CCDC88B: variants seen among roughly 807,000 people sequenced by gnomAD.
CCDC88B encodes coiled-coil and HOOK domain protein 88B.
In CCDC88B, 138 loss-of-function variants were observed where a neutral mutation model predicts 183.7. That is an observed-to-expected ratio of 0.75 (90% CI 0.65 to 0.87). The LOEUF (loss-of-function observed/expected upper bound fraction) is 0.87, where lower values mean the gene tolerates loss of function less well. Ranked by LOEUF, CCDC88B falls within the 40% of genes least tolerant of loss-of-function variation. The pLI is 0.00. For missense variants in CCDC88B, 1,822 were observed against 1,965.6 expected (o/e 0.93, Z 1.38); for synonymous variants, 835 against 867.5 (o/e 0.96, Z 0.66).
Position 64,342,060 on chromosome 11 carries a change from C to A in CCDC88B, c.742C>A (p.Pro248Thr), listed in dbSNP as rs1290302834. 2 of 1,611,774 alleles carry A rather than the reference C, an allele frequency of 1.2e-6. No individual in the cohort carries two copies. Among genetic ancestry groups the A allele is most frequent in the African/African-American group, 1.3e-5 (1 of 74,836 alleles). ...CLRPEAPSRAPAEGPSHHLAL... is the reference protein window; with the variant it reads ...CLRPEAPSRATAEGPSHHLAL... ...GAGGCCTGAGGCTCCCTCTAGGGCT[C>A]CCGCCGAGGGCCCCTCGCACCATCT... Residue 248 changes from proline to threonine, a missense_variant, in exon 8 of 27, where the codon CCC becomes ACC. Physicochemically the swap from Pro to Thr is conservative, Grantham distance 38 (BLOSUM62 -1). Transcript: ENST00000356786.
Position 64,343,598 on chromosome 11 carries a change from C to T in CCDC88B, c.1301C>T (p.Pro434Leu), listed in dbSNP as rs1331452521. The T allele has an allele frequency of 6.4e-7, 1 of 1,551,608 alleles. No individual in the cohort carries two copies. Among genetic ancestry groups the T allele is most frequent in the South Asian group, 1.2e-5 (1 of 84,068 alleles). Residue 434 changes from proline to leucine, a missense_variant, in exon 12 of 27, where the codon CCA (proline) becomes CTA (leucine). Physicochemically the swap from Pro to Leu is moderately conservative, Grantham distance 98. Transcript: ENST00000356786. ...LELQRSLEPPPGSPGEAPLAG... is the reference protein window; with the variant it reads ...LELQRSLEPPLGSPGEAPLAG... ...CTTCAGCGGAGCTTGGAGCCACCTC[C>T]AGGATCCCCTGGGGAGGGTGAGGGA...
At chr11:64,345,250 C>A in intron 14 of CCDC88B, 93 bp downstream of exon 14, 1 of 1,366,990 alleles carries the variant, frequency 7.3e-7, no homozygotes, top group South Asian at 1.4e-5. Context: ...TCAGTGGGTG[C>A]CCAGCACTGA....
intron 12 of CCDC88B, 29 bp from the exon 13 acceptor site, chr11:64,343,748 AG>A: frequency 6.5e-7 from 1 of 1,536,732 alleles, no homozygotes; most frequent in Non-Finnish European, 8.8e-7. Context: ...GCAGTAAAGG[AG>A]GGGTCCTGAC....
At chr11:64,352,598 G>A in intron 19 of CCDC88B, 146 bp from the exon 20 acceptor site, 1 of 1,365,438 alleles carries the variant, frequency 7.3e-7, no homozygotes, top group East Asian at 2.5e-5. Context: ...GTGGGCACCT[G>A]GCATGGCATT....
At chr11:64,349,882 C>T in intron 16 of CCDC88B, 1 of 598,156 alleles carries the variant, frequency 1.7e-6, no homozygotes, top group South Asian at 2.0e-5. Flanking sequence ...CCATTCTGCA[C>T]ATGGACAGAA....
At position 64,344,268 on chromosome 11, in the gene CCDC88B, C is replaced by T. The variant is rs539018711; in HGVS notation, c.1727C>T (p.Pro576Leu). The change falls in exon 14 of 27, where the codon CCG (proline) becomes CTG (leucine). Residue 576 changes from proline (P) to leucine (L), a missense_variant. By Grantham distance (98) the Pro-to-Leu change is moderately conservative. Transcript: ENST00000356786. The surrounding 1 kb of genome is among the most constrained non-coding windows in gnomAD (Gnocchi z 4.5). ...AMDPQASDWS[P>L]QESGSPVETQ... ...GACCCCCAGGCCTCAGACTGGTCCCCGCAAGAGTCAGGCTCTCCTGTGGAG... is the reference window on the plus strand; with the variant it reads ...GACCCCCAGGCCTCAGACTGGTCCCTGCAAGAGTCAGGCTCTCCTGTGGAG... 1.9e-5 allele frequency: 30 copies of T among 1,613,786 alleles called. No homozygotes were observed. The highest frequency in any genetic ancestry group is 3.3e-5 in the South Asian group (3 of 91,064).
At chr11:64,341,826 T>C in intron 7 of CCDC88B, 84 bp downstream of exon 7, 1 of 1,485,910 alleles carries the variant, frequency 6.7e-7, no homozygotes, top group Non-Finnish European at 8.9e-7. Context: ...AGATGGAAGT[T>C]TGGGGCCCAG....
chr11:64,351,422 G>C (rs2036326437), intron 17 of CCDC88B, 54 bp from the exon 18 acceptor site: 1 of 1,549,640 alleles, frequency 6.5e-7, no homozygotes, highest in Non-Finnish European at 8.7e-7. Flanking sequence ...CCTGTGGTAG[G>C]CACTAGGGGG....
At chr11:64,352,440 A>AAG in intron 19 of CCDC88B, 54 bp downstream of exon 19, 1 of 1,485,360 alleles carries the variant, frequency 6.7e-7, no homozygotes, top group Non-Finnish European at 8.9e-7. Flanking sequence ...TCTGCCAGAG[A>AAG]AGACTCCCCT....
At chr11:64,350,252 G>GC (rs1047872523) in intron 16 of CCDC88B, 5 of 156,706 alleles carry the variant, frequency 3.2e-5, no homozygotes, top group Admixed American at 1.8e-4. Context: ...CTTAGAGAAG[G>GC]CCCCACACAG....
intron 14 of CCDC88B, among the ~76,000 whole-genome samples, chr11:64,348,004 C>T (rs1212028716): frequency 2.9e-5 from 4 of 136,398 alleles, no homozygotes; most frequent in East Asian, 2.1e-4. Flanking sequence ...GAGCCAAGAT[C>T]GCGCCACTGC....
At chr11:64,340,584 T>C (rs1294001356) in intron 1 of CCDC88B, 23 bp from the exon 2 acceptor site, 2 of 1,599,906 alleles carry the variant, frequency 1.3e-6, no homozygotes, top group Non-Finnish European at 1.7e-6. Flanking sequence ...GCTGGTCGGC[T>C]GACCCCTCTG....
chr11:64,344,205 C>T lies in CCDC88B; in HGVS notation c.1664C>T (p.Pro555Leu). The change falls in exon 14 of 27, where the codon CCA (proline) becomes CTA (leucine). Residue 555 changes from proline to leucine, a missense_variant. Coordinates refer to ENST00000356786, the MANE Select transcript of CCDC88B (RefSeq NM_032251.6). The surrounding 1 kb of genome is among the most constrained non-coding windows in gnomAD (Gnocchi z 4.5). ...TGTCCCCAGGCACCTGATTCAGACC[C>T]ACAGGAGGCAGAGAGTCCCCTTCAG... ...AECPQAPDSD[P>L]QEAESPLQAA... is the part of the protein sequence containing the mutation. 6.2e-7 allele frequency: 1 copy of T among 1,611,664 alleles called. No individual in the cohort carries two copies. Among genetic ancestry groups the T allele is most frequent in the South Asian group, 1.1e-5 (1 of 90,848 alleles).
intron 1 of CCDC88B, 48 bp from the exon 2 acceptor site, chr11:64,340,559 C>A: frequency 6.3e-7 from 1 of 1,581,114 alleles, no homozygotes; most frequent in South Asian, 1.1e-5. Flanking sequence ...GTCGGAGGGG[C>A]TCAGGGTTCA....
At chr11:64,349,893 C>A in intron 16 of CCDC88B, 1 of 588,394 alleles carries the variant, frequency 1.7e-6, no homozygotes. Flanking sequence ...ATGGACAGAA[C>A]TTCTGCTGTG....
rs1431755700 is a variant in CCDC88B at position 64,349,413 on chromosome 11, T to C, written c.2699T>C (p.Leu900Pro). 1 of 1,612,854 alleles carries C rather than the reference T, an allele frequency of 6.2e-7. No homozygotes were observed. Among genetic ancestry groups the C allele is most frequent in the Non-Finnish European group, 8.5e-7 (1 of 1,179,788 alleles). Residue 900 changes from leucine (L) to proline (P), a missense_variant, in exon 15 of 27, where the codon CTC becomes CCC. Coordinates refer to ENST00000356786, the MANE Select transcript of CCDC88B (RefSeq NM_032251.6). ...CAGCGTGAGCTGGAGCAGGCGGCTC[T>C]CGAGCGCCAGGAATTTCTGCGAGAA... ...HLQRELEQAA[L>P]ERQEFLREKE...
At chr11:64,342,172 T>G in intron 8 of CCDC88B, 33 bp downstream of exon 8, 2 of 1,600,116 alleles carry the variant, frequency 1.2e-6, no homozygotes, top group Non-Finnish European at 1.7e-6. Flanking sequence ...GGGGACTGAG[T>G]GGAGAGGGGC....
chr11:64,355,308 G>T lies in CCDC88B; in HGVS notation c.4214G>T (p.Ser1405Ile), dbSNP rs1366563284. The change falls in exon 25 of 27, where the codon AGC becomes ATC. Residue 1405 changes from serine (S) to isoleucine (I), a missense_variant. By Grantham distance (142) the Ser-to-Ile change is moderately radical. Transcript: ENST00000356786. ...AGCTCAAGGTTCCCGGTGGGGCGAA[G>T]CTCTGAGTCATTCAGCCCTGGGGAC... Reference protein sequence around the residue: ...KLSSRFPVGRSSESFSPGDTP... With the variant: ...KLSSRFPVGRISESFSPGDTP... The T allele has an allele frequency of 1.3e-6, 2 of 1,595,642 alleles. No individual in the cohort carries two copies. Among genetic ancestry groups the T allele is most frequent in the African/African-American group, 2.7e-5 (2 of 74,274 alleles).
rs761574905 is a variant in CCDC88B, at chr11:64,343,984, C to T, written c.1456-13C>T. ...CCTCCCTGGGCCTGACTGTCCCTCT[C>T]GTATGCCCTCAGCACCCCCTGCTGG... is the stretch of plus-strand genomic sequence containing the variant. On this transcript the variant is annotated splice_polypyrimidine_tract_variant and intron_variant, in intron 13 of 26. Transcript: ENST00000356786. 23 of 1,557,108 alleles carry T rather than the reference C, an allele frequency of 1.5e-5. No homozygotes were observed. Among genetic ancestry groups the T allele is most frequent in the South Asian group, 6.0e-5 (5 of 83,770 alleles).
Sources: allele counts gnomAD v4.1 joint callset (sites outside exome capture counted in the v4.1 genomes callset), GRCh38; gene constraint gnomAD v4.1.1; non-coding constraint Gnocchi (gnomAD v3.1); transcripts MANE v1.5; gene names NCBI Gene and HGNC (gene_info 2026-07-23, HGNC 2026-07-21).